Variants in ZNF140 observed in about 807,000 individuals in gnomAD.
ZNF140 encodes the protein zinc finger protein 140 (clone pHZ-39).
A neutral mutation model predicts 12.9 loss-of-function variants in ZNF140; 13 were observed. The observed-to-expected ratio is 1.01, with a 90% CI of 0.66 to 1.60. ZNF140 has a LOEUF of 1.60. Among genes scored for constraint, ZNF140 ranks in the 40% most tolerant of loss-of-function variants. The probability of loss-of-function intolerance (pLI) is 0.00; values close to 1 mark genes in which losing one functional copy is unlikely to be tolerated. For missense variants in ZNF140, 531 were observed against 548.8 expected (o/e 0.97, Z 0.32); for synonymous variants, 214 against 186.7 (o/e 1.15, Z -1.19).
At chr12:133,089,216 A>AT (rs111905108) in intron 4 of ZNF140, among the ~76,000 whole-genome samples, 229 of 142,294 alleles carry the variant, frequency 1.6e-3, no homozygotes, top group Middle Eastern at 3.7e-3. Flanking sequence ...TATTCATTTG[A>AT]TTTTTTTTTT....
chr12:133,107,063 T>C lies in ZNF140; in HGVS notation c.*412T>C, dbSNP rs115671797. ...AGAAAGCATGGACAAGGGATGAGCT[T>C]TACAAAGATGATGCACTTTGGAGAT... On this transcript the variant is annotated 3_prime_UTR_variant, in exon 5 of 5. Coordinates refer to ENST00000355557, the MANE Select transcript of ZNF140 (RefSeq NM_003440.4). 1,048 of 155,774 alleles carry C rather than the reference T, an allele frequency of 6.7e-3. 12 individuals carry two copies. The highest frequency in any genetic ancestry group is 0.025 in the African/African-American group (1,020 of 41,600). 9.6% of individuals were successfully genotyped at this position (155,774 alleles called of 1,614,324 possible).
intron 4 of ZNF140, among the ~76,000 whole-genome samples, chr12:133,098,807 C>A (rs1270963770): frequency 2.0e-5 from 3 of 150,584 alleles, no homozygotes; most frequent in African/African-American, 7.3e-5. Flanking sequence ...CGGGTCCAAG[C>A]GATTCTCCTA....
chr12:133,093,520 T>G (rs1161194280), intron 4 of ZNF140: 1 of 696,796 alleles, frequency 1.4e-6, no homozygotes, highest in Non-Finnish European at 2.6e-6. Context: ...GTATCCAAAC[T>G]GGAAGCTGAT....
Position 133,093,250 on chromosome 12 carries a change from C to G in ZNF140, c.232+9689C>G, listed in dbSNP as rs1954953124. 1.3e-5 allele frequency among the ~76,000 whole-genome samples: 2 copies of G among 151,138 alleles called. 1 individual carries two copies. Among genetic ancestry groups the G allele is most frequent in the African/African-American group, 4.9e-5 (2 of 40,774 alleles). ...CGTATACTTCAATAGGATTATCTATCCAAGTAATTGTCTGAATTAAGGGTG... is the reference window on the plus strand; with the variant it reads ...CGTATACTTCAATAGGATTATCTATGCAAGTAATTGTCTGAATTAAGGGTG... On this transcript the variant is annotated intron_variant, in intron 4 of 4. Coordinates refer to ENST00000355557, the MANE Select transcript of ZNF140 (RefSeq NM_003440.4).
intron 4 of ZNF140, among the ~76,000 whole-genome samples, chr12:133,096,359 TAAC>T (rs1955126612): frequency 2.0e-5 from 3 of 152,164 alleles, no homozygotes; most frequent in African/African-American, 7.2e-5. Context: ...AGCTACAAAT[TAAC>T]AACATCTCAG....
In ZNF140 at chr12:133,096,132, A is replaced by G. The variant is rs1048316815; in HGVS notation, c.233-9378A>G. On this transcript the variant is annotated intron_variant, in intron 4 of 4. Transcript: ENST00000355557. ...TATCACATGGGGAGAAACCTTGGAC[A>G]ATACCCCGCTTCCAAGGGCAGAGGT... is the stretch of plus-strand genomic sequence containing the variant. 8.2e-4 allele frequency among the ~76,000 whole-genome samples: 124 copies of G among 151,604 alleles called. 1 individual carries two copies. The highest frequency in any genetic ancestry group is 2.6e-3 in the African/African-American group (109 of 41,430).
At chr12:133,081,390 AAG>A (rs1283660510) in intron 2 of ZNF140, 61 bp downstream of exon 2, 1 of 128,464 alleles carries the variant, frequency 7.8e-6, no homozygotes, top group African/African-American at 5.1e-5. Flanking sequence ...TTTTTTTTTT[AAG>A]AGAGAGACAG....
At chr12:133,083,885 G>A (rs1256647313) in intron 4 of ZNF140, among the ~76,000 whole-genome samples, 6 of 151,954 alleles carry the variant, frequency 3.9e-5, no homozygotes, top group South Asian at 4.2e-4. Context: ...GCGTGAACCC[G>A]GGAGGCAGAG....
intron 4 of ZNF140, among the ~76,000 whole-genome samples, chr12:133,098,487 G>T (rs762486818): frequency 6.6e-6 from 1 of 151,750 alleles, no homozygotes; most frequent in Non-Finnish European, 1.5e-5. Context: ...TAATCCACCT[G>T]CCTTGGCCTC....
At position 133,083,219 on chromosome 12, in the gene ZNF140, G is replaced by C. The variant is rs988309479; in HGVS notation, c.126G>C (p.Leu42=). ...TAATGTTGGAGAACTATGGCCATCT[G>C]GTCTCACTGGGTAAGTATTCTTCTT... ...RCVMLENYGH[L]VSLGLSISKP... is the part of the protein sequence containing the mutation. The change falls in exon 3 of 5, where the codon CTG becomes CTC. Residue 42 remains leucine (L), a synonymous_variant. Coordinates refer to ENST00000355557, the MANE Select transcript of ZNF140 (RefSeq NM_003440.4). 2.5e-6 allele frequency: 4 copies of C among 1,612,444 alleles called. No homozygotes were observed. Among genetic ancestry groups the C allele is most frequent in the Non-Finnish European group, 3.4e-6 (4 of 1,178,876 alleles).
rs1555291953 is a variant in ZNF140, at chr12:133,081,348, A to AAAATATATAT, written c.9+20_9+21insAATATATATA. On this transcript the variant is annotated intron_variant, in intron 2 of 4. Coordinates refer to ENST00000355557, the MANE Select transcript of ZNF140 (RefSeq NM_003440.4). ...GTCTCAGGTAAGCTAATGATTGATA[A>AAAATATATAT]ATATATATATATATATATATATAAA... 1,395 of 318,720 alleles carry AAAATATATAT rather than the reference A, an allele frequency of 4.4e-3. 20 individuals are homozygous for AAAATATATAT. The highest frequency in any genetic ancestry group is 6.5e-3 in the Non-Finnish European group (1,114 of 172,460). 19.7% of individuals were successfully genotyped at this position (318,720 alleles called of 1,614,324 possible). A position where few individuals can be genotyped will look rare whatever the true frequency, so the allele number is the denominator to read the frequency against.
At chr12:133,091,797 G>C (rs1030343900) in intron 4 of ZNF140, among the ~76,000 whole-genome samples, 3 of 150,968 alleles carry the variant, frequency 2.0e-5, no homozygotes, top group Non-Finnish European at 3.0e-5. Flanking sequence ...ACTGGGTTTT[G>C]ATGTTTCAAA....
At chr12:133,080,551 G>A (rs941204140), upstream of ZNF140, 3 of 152,416 alleles carry the variant, frequency 2.0e-5, no homozygotes, top group Admixed American at 6.5e-5. Flanking sequence ...GGAACACAAA[G>A]GTCTGTGTAC....
At chr12:133,105,251 A>G (rs1022140557) in intron 4 of ZNF140, among the ~76,000 whole-genome samples, 6 of 152,196 alleles carry the variant, frequency 3.9e-5, no homozygotes, top group East Asian at 1.9e-4. Flanking sequence ...ATCCTTCACA[A>G]ATATTTCCTG....
intron 4 of ZNF140, among the ~76,000 whole-genome samples, chr12:133,088,946 T>C (rs56009046): frequency 0.023 from 3,441 of 152,282 alleles, 129 homozygotes; most frequent in African/African-American, 0.078. Flanking sequence ...CTTTATACAT[T>C]GTTGGATTAA....
rs922360269 is a variant in ZNF140 at position 133,091,041 on chromosome 12, C to G, written c.232+7480C>G. 4.2e-4 allele frequency among the ~76,000 whole-genome samples: 63 copies of G among 149,056 alleles called. 1 individual carries two copies. Among genetic ancestry groups the G allele is most frequent in the South Asian group, 1.1e-3 (5 of 4,604 alleles). ...TCAGTTCCCAGGGGCAGACAGGAGA[C>G]AGTGGCCTTCCTCTATCTCAACTGC... On this transcript the variant is annotated intron_variant, in intron 4 of 4. Transcript: ENST00000355557.
intron 2 of ZNF140, 116 bp downstream of exon 2, chr12:133,081,445 C>A: frequency 2.3e-6 from 1 of 428,064 alleles, no homozygotes; most frequent in East Asian, 8.3e-5. Context: ...TCATAGCATC[C>A]TGTAACCTCA....
At chr12:133,104,382 C>T (rs574942707) in intron 4 of ZNF140, among the ~76,000 whole-genome samples, 13 of 146,382 alleles carry the variant, frequency 8.9e-5, no homozygotes, top group African/African-American at 2.6e-4. Context: ...GACAGACTCT[C>T]GCTCTGTCAC....
intron 4 of ZNF140, among the ~76,000 whole-genome samples, chr12:133,098,486 T>C (rs1367228813): frequency 2.0e-5 from 3 of 151,912 alleles, no homozygotes; most frequent in African/African-American, 7.3e-5. Context: ...GTAATCCACC[T>C]GCCTTGGCCT....
Sources: allele counts gnomAD v4.1 joint callset (sites outside exome capture counted in the v4.1 genomes callset), GRCh38; gene constraint gnomAD v4.1.1; transcripts MANE v1.5; gene names NCBI Gene and HGNC (gene_info 2026-07-23, HGNC 2026-07-21).